The following NIN variants were observed in gnomAD, a reference collection of about 807,000 sequenced individuals.
NIN encodes glycogen synthase kinase 3 beta-interacting protein.
Under a neutral mutation model 257.6 loss-of-function variants are expected in NIN, and 137 were observed. The observed-to-expected ratio is 0.53, with a 90% confidence interval of 0.46 to 0.61. NIN has a LOEUF of 0.61. Among genes scored for constraint, NIN ranks in the 20% least tolerant of loss-of-function variants. The pLI is 0.00. For synonymous variants in NIN, 918 were observed against 919.8 expected, an observed-to-expected ratio of 1.00 and a Z score of 0.04; for missense variants, 2,439 against 2,501.2, an observed-to-expected ratio of 0.98 and a Z score of 0.53.
chr14:50,747,322 G>T (rs2041590967), intron 22 of NIN, among the ~76,000 whole-genome samples: 1 of 141,336 alleles, frequency 7.1e-6, no homozygotes, highest in Non-Finnish European at 1.6e-5. Context: ...AATTAGAAAA[G>T]TTATAAGCAA....
At chr14:50,792,192 T>A (rs1329773388) in intron 5 of NIN, 1 of 153,032 alleles carries the variant, frequency 6.5e-6, no homozygotes, top group Non-Finnish European at 1.5e-5. Context: ...TGGCAACTGC[T>A]GGGCACTGGA....
intron 12 of NIN, among the ~76,000 whole-genome samples, chr14:50,769,269 G>GT (rs1382882014): frequency 6.6e-6 from 1 of 152,162 alleles, no homozygotes; most frequent in African/African-American, 2.4e-5. Flanking sequence ...AAAGTTTTCA[G>GT]TAAGTGGTGG....
chr14:50,746,619 G>T (rs977622296), intron 22 of NIN, among the ~76,000 whole-genome samples: 8 of 152,298 alleles, frequency 5.3e-5, no homozygotes, highest in Non-Finnish European at 1.0e-4. Flanking sequence ...TGTTAAGAAT[G>T]AAAATTTTAT....
chr14:50,818,977 G>A (rs902230511), intron 3 of NIN, among the ~76,000 whole-genome samples: 27 of 151,782 alleles, frequency 1.8e-4, no homozygotes, highest in Non-Finnish European at 3.7e-4. Flanking sequence ...CTGGTTGAGC[G>A]AGACAATGCT....
chr14:50,780,826 G>T (rs1002890604), intron 5 of NIN, among the ~76,000 whole-genome samples: 1 of 152,210 alleles, frequency 6.6e-6, no homozygotes, highest in African/African-American at 2.4e-5. Flanking sequence ...TCAATGAAAA[G>T]TGAATTAGGA....
intron 2 of NIN, among the ~76,000 whole-genome samples, chr14:50,827,770 AAAAG>A (rs1264137316): frequency 6.6e-6 from 1 of 151,140 alleles, no homozygotes; most frequent in African/African-American, 2.4e-5. Flanking sequence ...AAAAAAAAAA[AAAAG>A]AAAGAAAAAG....
intron 4 of NIN, among the ~76,000 whole-genome samples, chr14:50,803,423 T>C (rs998584137): frequency 6.6e-6 from 1 of 152,170 alleles, no homozygotes; most frequent in Admixed American, 6.5e-5. Context: ...ACCAGCCAAA[T>C]AATGCAGAGG....
chr14:50,788,841 G>A lies in NIN; in HGVS notation c.435+3871C>T, dbSNP rs73297376. Among the ~76,000 whole-genome samples the A allele has an allele frequency of 5.5e-3, 836 of 152,274 alleles. 8 individuals are homozygous for A. Among genetic ancestry groups the A allele is most frequent in the African/African-American group, 0.019 (800 of 41,528 alleles). ...AAATTATTATTTGATGCAACCTAGAGCTAAAATTAGTCTTCTGTTGAGTAG... is the reference window on the plus strand; with the variant it reads ...AAATTATTATTTGATGCAACCTAGAACTAAAATTAGTCTTCTGTTGAGTAG... On this transcript the variant is annotated intron_variant, in intron 5 of 30. Coordinates refer to ENST00000530997, the MANE Select transcript of NIN (RefSeq NM_020921.4).
At position 50,738,248 on chromosome 14, in the gene NIN, T is replaced by C. The variant is rs1225138154; in HGVS notation, c.5667A>G (p.Gln1889=). ...QLESNLLPKH[Q]KHLNPSGTMN... ...TGGTACCTGATGGGTTTAGATGTTT[T>C]TGGTGCTTGGGAAGAAGATTGGATT... The change falls in exon 27 of 31, where the codon CAA becomes CAG. Residue 1889 remains glutamine, a synonymous_variant. Transcript: ENST00000530997. The C allele has an allele frequency of 8.1e-6, 13 of 1,613,984 alleles. No homozygotes were observed. Among genetic ancestry groups the C allele is most frequent in the Non-Finnish European group, 1.1e-5 (13 of 1,179,966 alleles).
intron 28 of NIN, 142 bp downstream of exon 28, chr14:50,735,374 G>T: frequency 1.6e-6 from 2 of 1,224,756 alleles, no homozygotes; most frequent in South Asian, 3.5e-5. Flanking sequence ...AACTTGGTAA[G>T]GCGGACCAAA....
Position 50,806,723 on chromosome 14 carries a change from G to C in NIN, c.265+14C>G. 1 of 1,480,026 alleles carries C rather than the reference G, an allele frequency of 6.8e-7. No homozygotes were observed. The highest frequency in any genetic ancestry group is 9.4e-7 in the Non-Finnish European group (1 of 1,064,888). 91.7% of individuals were successfully genotyped at this position (1,480,026 alleles called of 1,614,324 possible). The stretch of plus-strand genomic sequence containing the variant: ...TTAAAGGGGAAGGCAGAGAAGAGAA[G>C]TGAGTGACCTTACCTGGTTCTTGAA... On this transcript the variant is annotated intron_variant, in intron 4 of 30. Transcript: ENST00000530997.
At position 50,803,128 on chromosome 14, in the gene NIN, T is replaced by C. The variant is rs34417710; in HGVS notation, c.265+3609A>G. Among the ~76,000 whole-genome samples the C allele has an allele frequency of 8.9e-3, 1,357 of 152,028 alleles. 22 individuals carry two copies. Among genetic ancestry groups the C allele is most frequent in the African/African-American group, 0.03 (1,245 of 41,456 alleles). On this transcript the variant is annotated intron_variant, in intron 4 of 30. Transcript: ENST00000530997. ...CAGCACTTTGGGAGGCCGAGGCAGG[T>C]AGATCACAAGGTCAGGAGTTCAAGA...
chr14:50,781,065 C>T (rs1198877508), intron 5 of NIN, among the ~76,000 whole-genome samples: 1 of 152,164 alleles, frequency 6.6e-6, no homozygotes, highest in Non-Finnish European at 1.5e-5. Context: ...TGTCCCTCCA[C>T]ATTTATTTTC....
chr14:50,742,718 T>C (rs909008485), intron 24 of NIN, among the ~76,000 whole-genome samples: 3 of 152,038 alleles, frequency 2.0e-5, no homozygotes, highest in African/African-American at 7.2e-5. Flanking sequence ...TAAAGAAGAA[T>C]CCTATTTTAC....
chr14:50,747,259 G>A (rs1414862443), intron 22 of NIN, among the ~76,000 whole-genome samples: 2 of 152,176 alleles, frequency 1.3e-5, no homozygotes, highest in Non-Finnish European at 2.9e-5. Flanking sequence ...AGTTGCTACA[G>A]AAAAAGGCAG....
chr14:50,813,432 C>CACATG (rs1454068990), intron 3 of NIN, among the ~76,000 whole-genome samples: 1 of 152,204 alleles, frequency 6.6e-6, no homozygotes, highest in Non-Finnish European at 1.5e-5. Flanking sequence ...ACGAAAAATA[C>CACATG]ACATGACATT....
At chr14:50,736,429 G>A (rs1218896243) in intron 27 of NIN, among the ~76,000 whole-genome samples, 1 of 151,972 alleles carries the variant, frequency 6.6e-6, no homozygotes, top group East Asian at 1.9e-4. Flanking sequence ...GAGCCACCGC[G>A]TCCAGCCTCA....
In NIN at chr14:50,773,012, T is replaced by C; in HGVS notation, c.750A>G (p.Gly250=). Residue 250 remains glycine (G), a synonymous_variant, in exon 8 of 31, where the codon GGA becomes GGG. Coordinates refer to ENST00000530997, the MANE Select transcript of NIN (RefSeq NM_020921.4). Reference sequence around the variant, plus strand: ...TAGATGCTGATGGTGTAAGAGATTTTCCATTTTTAAACAAACCATAGAAAA... The same window carrying C: ...TAGATGCTGATGGTGTAAGAGATTTCCCATTTTTAAACAAACCATAGAAAA... ...EDFFYGLFKN[G]KSLTPSASTP... 6.2e-7 allele frequency: 1 copy of C among 1,613,490 alleles called. No homozygotes were observed. The highest frequency in any genetic ancestry group is 8.5e-7 in the Non-Finnish European group (1 of 1,179,454).
At chr14:50,758,847 C>T (rs1163204988) in intron 17 of NIN, among the ~76,000 whole-genome samples, 2 of 152,182 alleles carry the variant, frequency 1.3e-5, no homozygotes, top group Non-Finnish European at 2.9e-5. Flanking sequence ...AAAGACTTAC[C>T]TCTCTCTGGA....
Sources: gnomAD v4.1 joint callset for allele counts (sites outside exome capture counted in the v4.1 genomes callset) on GRCh38, gnomAD v4.1.1 for gene constraint, MANE v1.5 for transcripts, NCBI Gene and HGNC (gene_info 2026-07-23, HGNC 2026-07-21) for gene names.